The following PCDH11X variants were observed in gnomAD, a reference collection of about 807,000 sequenced individuals.
PCDH11X encodes the protein protocadherin 11 X-linked.
In PCDH11X, 18 loss-of-function variants were observed where a neutral mutation model predicts 53.3. The ratio of observed to expected loss-of-function variants is 0.34; its 90% CI spans 0.23 to 0.50. The LOEUF is 0.50. Ranked by LOEUF, PCDH11X falls within the 20% of genes least tolerant of loss-of-function variation. The pLI, the probability that PCDH11X is intolerant of heterozygous loss-of-function variation, is 0.98. For synonymous variants in PCDH11X, 279 were observed against 393.3 expected (o/e 0.71, Z 3.44); for missense variants, 570 against 1,032.4 (o/e 0.55, Z 6.14).
intron 6 of PCDH11X, among the ~76,000 whole-genome samples, chrX:92,070,326 G>A (rs1369723935): frequency 4.5e-5 from 5 of 111,425 alleles, no homozygotes; most frequent in Admixed American, 1.9e-4. Flanking sequence ...CTTTTAGATT[G>A]GAGATTTCCC....
intron 6 of PCDH11X, among the ~76,000 whole-genome samples, chrX:92,055,032 A>G (rs1435229312): frequency 2.6e-4 from 16 of 61,254 alleles, no homozygotes; most frequent in Non-Finnish European, 4.3e-4. Context: ...GTGGATATCT[A>G]GAGTACCTGG....
In PCDH11X at chrX:92,405,951, T is replaced by C. The variant is rs778640891; in HGVS notation, c.3343+18018T>C. 6.4e-3 allele frequency among the ~76,000 whole-genome samples: 701 copies of C among 108,812 alleles called. 1 individual carries two copies. Among genetic ancestry groups the C allele is most frequent in the Non-Finnish European group, 0.01 (542 of 52,319 alleles). The allele number at this position is 108,812 out of a possible 115,157, so 94.5% of individuals were successfully genotyped here. A position where few individuals can be genotyped will look rare whatever the true frequency, so the allele number is the denominator to read the frequency against. On this transcript the variant is annotated intron_variant, in intron 9 of 10. Transcript: ENST00000682573. ...CTACTAAAAAATACAAAAAATTAGC[T>C]GGGCGTGGTGGCGGGCGCCTGTAGT...
At chrX:92,047,546 T>C (rs2063307731) in intron 6 of PCDH11X, among the ~76,000 whole-genome samples, 1 of 106,299 alleles carries the variant, frequency 9.4e-6, no homozygotes, top group South Asian at 4.4e-4. Context: ...GCTATTGGGC[T>C]ATTTATTGAA....
Position 92,375,166 on chromosome X carries a change from A to AT in PCDH11X, c.3145-12542dup, listed in dbSNP as rs1230279822. On this transcript the variant is annotated intron_variant, in intron 8 of 10. Transcript: ENST00000682573. ...TTTATATATATATATATATATATATATTTTTTTTTTTTTTTTTTTTTTTTT... is the reference window on the plus strand; with the variant it reads ...TTTATATATATATATATATATATATATTTTTTTTTTTTTTTTTTTTTTTTTT... Among the ~76,000 whole-genome samples, 39 of 8,270 alleles carry AT rather than the reference A, an allele frequency of 4.7e-3. 2 individuals carry two copies. Among genetic ancestry groups the AT allele is most frequent in the Non-Finnish European group, 6.1e-3 (32 of 5,206 alleles). 7.2% of individuals were successfully genotyped at this position (8,270 alleles called of 115,157 possible). A position where few individuals can be genotyped will look rare whatever the true frequency, so the allele number is the denominator to read the frequency against.
chrX:91,799,536 C>G (rs1187380193), intron 1 of PCDH11X, among the ~76,000 whole-genome samples: 2 of 111,807 alleles, frequency 1.8e-5, no homozygotes, highest in African/African-American at 6.5e-5. Context: ...CTATGAATTT[C>G]TGCAAAACTA....
intron 6 of PCDH11X, among the ~76,000 whole-genome samples, chrX:91,977,666 C>T: frequency 9.0e-6 from 1 of 110,719 alleles, no homozygotes. Flanking sequence ...TCTCTTTTTT[C>T]TCATTTCTCC....
intron 10 of PCDH11X, among the ~76,000 whole-genome samples, chrX:92,611,048 C>T (rs111643423): frequency 0.21 from 22,371 of 108,079 alleles, 2,272 homozygotes; most frequent in Non-Finnish European, 0.3. Context: ...CAGCTTTGTT[C>T]TTTTTGCTTA....
intron 9 of PCDH11X, among the ~76,000 whole-genome samples, chrX:92,436,503 T>C (rs945222165): frequency 3.6e-5 from 4 of 111,642 alleles, no homozygotes; most frequent in Non-Finnish European, 7.5e-5. Flanking sequence ...AAAATCATTC[T>C]AACATAGAGA....
intron 10 of PCDH11X, among the ~76,000 whole-genome samples, chrX:92,594,492 T>A (rs112558551): frequency 0.27 from 28,932 of 107,897 alleles, 3,396 homozygotes; most frequent in African/African-American, 0.41. Flanking sequence ...AATTCTGATA[T>A]GTCTCAGTAT....
intron 7 of PCDH11X, among the ~76,000 whole-genome samples, chrX:92,222,459 G>A (rs191410013): frequency 9.0e-6 from 1 of 111,133 alleles, no homozygotes; most frequent in Non-Finnish European, 1.9e-5. Context: ...GTTGTTTCCT[G>A]CTGCAATTTC....
intron 9 of PCDH11X, among the ~76,000 whole-genome samples, chrX:92,406,130 T>C (rs772682630): frequency 3.6e-4 from 39 of 108,421 alleles, no homozygotes; most frequent in African/African-American, 1.2e-3. Context: ...TTTTTCTGTT[T>C]ACTTCCACCC....
At chrX:92,218,113 A>C (rs2066763682) in intron 7 of PCDH11X, among the ~76,000 whole-genome samples, 1 of 111,519 alleles carries the variant, frequency 9.0e-6, no homozygotes, top group South Asian at 3.8e-4. Flanking sequence ...CAAAATTGAC[A>C]CCCTAACATC....
rs2073433795 is a variant in PCDH11X, at chrX:92,478,375, G to A, written c.3367+10053G>A. ...TCCTGTCTCATTTTCCTTCAGTTCA[G>A]CTCTGATTTTGGTTATTTCTTGTCT... On this transcript the variant is annotated intron_variant, in intron 10 of 10. Coordinates refer to ENST00000682573, the MANE Select transcript of PCDH11X (RefSeq NM_032968.5). 2.7e-5 allele frequency among the ~76,000 whole-genome samples: 3 copies of A among 110,335 alleles called. No homozygotes were observed. In the South Asian group the frequency reaches 1.2e-3, roughly 43 times the overall value.
At position 91,883,527 on chromosome X, in the gene PCDH11X, C is replaced by T. The variant is rs1229964859; in HGVS notation, c.3033+4254C>T. On this transcript the variant is annotated intron_variant, in intron 6 of 10. Transcript: ENST00000682573. ...CACTCTGCTTAAAAGTTGAGTGGGC[C>T]GGGCGCGGTGGCTCACGCCTGTAAT... 56 of 747,776 alleles carry T rather than the reference C, an allele frequency of 7.5e-5. No individual in the cohort carries two copies. In the South Asian group the frequency reaches 1.4e-3, roughly 18 times the overall value. The allele number at this position is 747,776 out of a possible 1,213,427, so 61.6% of individuals were successfully genotyped here. A position where few individuals can be genotyped will look rare whatever the true frequency, so the allele number is the denominator to read the frequency against.
At chrX:92,056,979 A>T (rs1187385105) in intron 6 of PCDH11X, among the ~76,000 whole-genome samples, 1 of 111,052 alleles carries the variant, frequency 9.0e-6, no homozygotes, top group Non-Finnish European at 1.9e-5. Context: ...CTGGACAAAG[A>T]TAACTAGTTG....
chrX:92,018,722 G>A (rs1233260231), intron 6 of PCDH11X, among the ~76,000 whole-genome samples: 1 of 112,287 alleles, frequency 8.9e-6, no homozygotes, highest in African/African-American at 3.2e-5. Context: ...ATTATTATTT[G>A]TAGAGCCATG....
Position 92,599,034 on chromosome X carries a change from C to T in PCDH11X, c.3368-19230C>T, listed in dbSNP as rs372812643. ...GAGTGTAGGATATGATTACCAGAGG[C>T]TGGGAAGCATAGTAGAGAAAGTGAG... is the stretch of plus-strand genomic sequence containing the variant. On this transcript the variant is annotated intron_variant, in intron 10 of 10. Coordinates refer to ENST00000682573, the MANE Select transcript of PCDH11X (RefSeq NM_032968.5). 6.3e-5 allele frequency among the ~76,000 whole-genome samples: 7 copies of T among 110,632 alleles called. No homozygotes were observed. The East Asian group carries it at 1.7e-3, about 27-fold the overall frequency.
chrX:92,133,617 C>T (rs1348271644), intron 6 of PCDH11X, among the ~76,000 whole-genome samples: 1 of 112,341 alleles, frequency 8.9e-6, no homozygotes, highest in Non-Finnish European at 1.9e-5. Context: ...CACCCCGCCT[C>T]GGCCTCCCAA....
chrX:91,851,531 T>G (rs1938012601), intron 5 of PCDH11X, among the ~76,000 whole-genome samples: 2 of 111,985 alleles, frequency 1.8e-5, no homozygotes, highest in African/African-American at 6.5e-5. Context: ...GATATTTTGA[T>G]GCAGTCATAC....
Sources: allele counts gnomAD v4.1 joint callset (sites outside exome capture counted in the v4.1 genomes callset), GRCh38; gene constraint gnomAD v4.1.1; transcripts MANE v1.5; gene names NCBI Gene and HGNC (gene_info 2026-07-23, HGNC 2026-07-21).